TRPC5: variants seen among roughly 807,000 people sequenced by gnomAD.
TRPC5 encodes the protein short transient receptor potential channel 5.
Under a neutral mutation model 56.5 loss-of-function variants are expected in TRPC5, and 9 were observed. The ratio of observed to expected loss-of-function variants is 0.16; its 90% CI spans 0.10 to 0.28. The LOEUF is 0.28. Ranked by LOEUF, TRPC5 falls within the 10% of genes least tolerant of loss-of-function variation. The pLI is 1.00. For synonymous variants in TRPC5, 282 were observed against 278.5 expected (o/e 1.01, Z -0.13); for missense variants, 469 against 748.9 (o/e 0.63, Z 4.36).
At chrX:111,880,267 T>C (rs1198807202) in intron 3 of TRPC5, among the ~76,000 whole-genome samples, 1 of 111,770 alleles carries the variant, frequency 8.9e-6, no homozygotes, top group African/African-American at 3.3e-5. Context: ...AGGTTAAGGG[T>C]TGTGTCTATA....
chrX:111,966,895 A>G (rs1029608220), intron 1 of TRPC5, among the ~76,000 whole-genome samples: 3 of 107,579 alleles, frequency 2.8e-5, no homozygotes, highest in Non-Finnish European at 5.7e-5. Flanking sequence ...CAAAAACTGG[A>G]AGCATTCCCT....
chrX:111,769,467 A>G lies in TRPC5; in HGVS notation c.*6846T>C, dbSNP rs369738895. 8.9e-6 allele frequency among the ~76,000 whole-genome samples: 1 copy of G among 111,815 alleles called. No homozygotes were observed. Among genetic ancestry groups the G allele is most frequent in the East Asian group, 2.8e-4 (1 of 3,569 alleles). On this transcript the variant is annotated 3_prime_UTR_variant, in exon 11 of 11. Transcript: ENST00000262839. ...CACTGCTCCAAGCATAATTGAAACT[A>G]GATTCCAGGATACAAAGGAGAACAA...
chrX:111,997,782 C>T (rs989980293), intron 1 of TRPC5, among the ~76,000 whole-genome samples: 4 of 110,189 alleles, frequency 3.6e-5, no homozygotes, highest in Admixed American at 9.9e-5. Context: ...TTGATCGAAT[C>T]GGATATTGAA....
Position 111,787,883 on chromosome X carries a change from T to C in TRPC5, c.1897-5745A>G, listed in dbSNP as rs146811348. 5.9e-3 allele frequency among the ~76,000 whole-genome samples: 662 copies of C among 111,544 alleles called. 4 individuals carry two copies. Among genetic ancestry groups the C allele is most frequent in the African/African-American group, 0.02 (623 of 30,665 alleles). ...ACCAGGAAGAAGTTGAATCTCTGAA[T>C]AGGTCAATAACAGGCTCTGAATTTG... On this transcript the variant is annotated intron_variant, in intron 7 of 10. Coordinates refer to ENST00000262839, the MANE Select transcript of TRPC5 (RefSeq NM_012471.3).
At chrX:112,023,604 C>A (rs1042941250) in intron 1 of TRPC5, among the ~76,000 whole-genome samples, 2 of 111,253 alleles carry the variant, frequency 1.8e-5, no homozygotes, top group African/African-American at 6.5e-5. Flanking sequence ...CTGACTCTTT[C>A]CTTGGACTTG....
At chrX:112,078,105 A>T (rs935260252) in intron 1 of TRPC5, among the ~76,000 whole-genome samples, 2 of 111,790 alleles carry the variant, frequency 1.8e-5, no homozygotes, top group African/African-American at 6.5e-5. Flanking sequence ...GATCAGACAC[A>T]TAAATGTGAG....
chrX:111,820,584 G>A (rs1922001385), intron 7 of TRPC5, among the ~76,000 whole-genome samples: 2 of 111,931 alleles, frequency 1.8e-5, no homozygotes, highest in Non-Finnish European at 3.8e-5. Context: ...GTTCATTTAT[G>A]TACTGCCTAT....
chrX:111,773,223 A>T lies in TRPC5; in HGVS notation c.*3090T>A, dbSNP rs778901268. ...TAAAGTTTGGCATTTTCCGAAAATG[A>T]TTTTAAATTTAGTCTTTCCTCTGTA... On this transcript the variant is annotated 3_prime_UTR_variant, in exon 11 of 11. Transcript: ENST00000262839. 4.0e-4 allele frequency among the ~76,000 whole-genome samples: 45 copies of T among 112,059 alleles called. No individual in the cohort carries two copies. The highest frequency in any genetic ancestry group is 7.1e-4 in the Non-Finnish European group (38 of 53,227).
chrX:111,855,810 A>G (rs750804342), intron 3 of TRPC5, among the ~76,000 whole-genome samples: 7 of 112,401 alleles, frequency 6.2e-5, no homozygotes, highest in Non-Finnish European at 1.3e-4. Context: ...AGAGTAAAGC[A>G]AGACCTTTGC....
At chrX:111,833,581 GC>G (rs1233646357) in intron 7 of TRPC5, among the ~76,000 whole-genome samples, 1 of 110,787 alleles carries the variant, frequency 9.0e-6, no homozygotes, top group Non-Finnish European at 1.9e-5. Context: ...TTATTTCATT[GC>G]CATTTATAGT....
chrX:112,071,186 C>T lies in TRPC5; in HGVS notation c.-22+10693G>A, dbSNP rs1285231799. On this transcript the variant is annotated intron_variant, in intron 1 of 10. Coordinates refer to ENST00000262839, the MANE Select transcript of TRPC5 (RefSeq NM_012471.3). ...TATTAGCCGGGCATGGTGTCGCATACCTGTACCTCCAGCTACTCGGGGAAG... is the reference window on the plus strand; with the variant it reads ...TATTAGCCGGGCATGGTGTCGCATATCTGTACCTCCAGCTACTCGGGGAAG... Among the ~76,000 whole-genome samples, 3 of 110,373 alleles carry T rather than the reference C, an allele frequency of 2.7e-5. No homozygotes were observed. The East Asian group carries it at 8.5e-4, about 31-fold the overall frequency.
At chrX:111,844,461 T>C (rs1922862518) in intron 6 of TRPC5, among the ~76,000 whole-genome samples, 1 of 91,544 alleles carries the variant, frequency 1.1e-5, no homozygotes, top group South Asian at 4.9e-4. Flanking sequence ...TCTTTCTTTC[T>C]TTTTTTTTTT....
chrX:112,056,614 G>T (rs1450272387), intron 1 of TRPC5, among the ~76,000 whole-genome samples: 1 of 112,400 alleles, frequency 8.9e-6, no homozygotes, highest in Non-Finnish European at 1.9e-5. Flanking sequence ...TATGTTCTAT[G>T]CATTTTGCTG....
At chrX:111,852,502 C>A (rs780145061) in intron 4 of TRPC5, 65 bp from the exon 5 acceptor site, 16 of 1,058,449 alleles carry the variant, frequency 1.5e-5, no homozygotes, top group Middle Eastern at 5.2e-4. Flanking sequence ...TAGAAGGATT[C>A]CCCCCTCCAG....
chrX:112,048,230 A>G (rs1439315407), intron 1 of TRPC5, among the ~76,000 whole-genome samples: 1 of 111,235 alleles, frequency 9.0e-6, no homozygotes, highest in Admixed American at 9.5e-5. Flanking sequence ...GCCAAGAAAT[A>G]AAAGGGAGGG....
In TRPC5 at chrX:111,776,448, T is replaced by C. The variant is rs143391664; in HGVS notation, c.2787A>G (p.Ala929=). The change falls in exon 11 of 11, where the codon GCA becomes GCG. Residue 929 remains alanine, a synonymous_variant. Coordinates refer to ENST00000262839, the MANE Select transcript of TRPC5 (RefSeq NM_012471.3). The stretch of plus-strand genomic sequence containing the variant: ...TAGAATTTGAGGAGCAGATGCTGGA[T>C]GCACAGTGAAGAGAGCTGGAACAGG... ...PLACSSSLHC[A]SSICSSNSKL... is the part of the protein sequence containing the mutation. The C allele has an allele frequency of 1.7e-6, 2 of 1,209,692 alleles. No individual in the cohort carries two copies. Among genetic ancestry groups the C allele is most frequent in the African/African-American group, 3.5e-5 (2 of 57,175 alleles).
intron 1 of TRPC5, among the ~76,000 whole-genome samples, chrX:111,961,431 G>T (rs746367966): frequency 2.6e-3 from 286 of 111,004 alleles, no homozygotes; most frequent in Non-Finnish European, 3.9e-3. Flanking sequence ...TGCATATACT[G>T]CCCTTCCCAC....
At chrX:111,917,968 T>A (rs774947969) in intron 2 of TRPC5, among the ~76,000 whole-genome samples, 8 of 112,440 alleles carry the variant, frequency 7.1e-5, no homozygotes, top group Non-Finnish European at 1.3e-4. Context: ...TGGCCTAATA[T>A]CCCAAGCCTC....
chrX:111,810,340 C>A (rs1921664840), intron 7 of TRPC5, among the ~76,000 whole-genome samples: 1 of 111,075 alleles, frequency 9.0e-6, no homozygotes, highest in Non-Finnish European at 1.9e-5. Flanking sequence ...AAGCTGCCTA[C>A]CAGAGTAGTA....
Sources: allele counts gnomAD v4.1 joint callset (sites outside exome capture counted in the v4.1 genomes callset), GRCh38; gene constraint gnomAD v4.1.1; transcripts MANE v1.5; gene names NCBI Gene and HGNC (gene_info 2026-07-23, HGNC 2026-07-21).